ERCC5: variants seen among roughly 807,000 people sequenced by gnomAD.
ERCC5 encodes ERCC excision repair 5, endonuclease.
ERCC5 carries 68 observed loss-of-function variants against 105.6 expected under a neutral mutation model. The observed-to-expected ratio is 0.64, with a 90% confidence interval of 0.53 to 0.79. The LOEUF is 0.79. Among genes scored for constraint, ERCC5 ranks in the 30% least tolerant of loss-of-function variants. The pLI, the probability that ERCC5 is intolerant of heterozygous loss-of-function variation, is 0.00. For synonymous variants in ERCC5, 546 were observed against 526.2 expected (o/e 1.04, Z -0.51); for missense variants, 1,373 against 1,426.7 (o/e 0.96, Z 0.61).
intron 2 of ERCC5, among the ~76,000 whole-genome samples, chr13:102,853,141 C>T (rs1265831088): frequency 6.6e-6 from 1 of 152,108 alleles, no homozygotes; most frequent in Non-Finnish European, 1.5e-5. Flanking sequence ...AGTGTCTAGT[C>T]TTGAATGTTG....
chr13:102,858,768 G>A (rs1374361425), intron 6 of ERCC5: 5 of 411,874 alleles, frequency 1.2e-5, no homozygotes, highest in South Asian at 5.6e-5. Flanking sequence ...CACATGGTAT[G>A]TGTCCAGTAG....
chr13:102,854,395 GA>G (rs1198073927), intron 4 of ERCC5, 21 bp downstream of exon 4: 2 of 1,609,646 alleles, frequency 1.2e-6, no homozygotes, highest in East Asian at 4.5e-5. Flanking sequence ...AACTATTTAA[GA>G]ATATTATTTT....
At chr13:102,849,779 T>A (rs556621981) in intron 1 of ERCC5, among the ~76,000 whole-genome samples, 1 of 152,170 alleles carries the variant, frequency 6.6e-6, no homozygotes, top group African/African-American at 2.4e-5. Flanking sequence ...GGGCCAATAC[T>A]GTGTTTTGTT....
chr13:102,855,984 G>T, intron 4 of ERCC5, 68 bp from the exon 5 acceptor site: 2 of 1,483,418 alleles, frequency 1.3e-6, no homozygotes, highest in South Asian at 2.3e-5. Flanking sequence ...GCAGAGCCTT[G>T]CATACAAGTA....
intron 6 of ERCC5, among the ~76,000 whole-genome samples, chr13:102,859,842 C>T (rs765444053): frequency 2.0e-5 from 3 of 152,178 alleles, no homozygotes; most frequent in Non-Finnish European, 2.9e-5. Flanking sequence ...ACCATAGTTC[C>T]ACTTTACTCA....
intron 12 of ERCC5, among the ~76,000 whole-genome samples, chr13:102,870,047 G>A (rs1882981731): frequency 6.6e-6 from 1 of 152,196 alleles, no homozygotes; most frequent in African/African-American, 2.4e-5. Flanking sequence ...AGAGTAAAGA[G>A]CAGGAAGGAT....
intron 8 of ERCC5, 68 bp downstream of exon 8, chr13:102,863,171 G>A (rs111912287): frequency 1.5e-5 from 23 of 1,535,572 alleles, no homozygotes; most frequent in East Asian, 1.4e-4. Flanking sequence ...TTCAGAGATC[G>A]GTTAGTGTAG....
intron 7 of ERCC5, 109 bp downstream of exon 7, chr13:102,861,823 T>C (rs1236724839): frequency 1.4e-6 from 2 of 1,404,982 alleles, no homozygotes; most frequent in East Asian, 2.4e-5. Context: ...ATTCTATTTA[T>C]GTAATAACTG....
In ERCC5 at chr13:102,865,749, A is replaced by C. The variant is rs544098431; in HGVS notation, c.2037A>C (p.Glu679Asp). Residue 679 changes from glutamate to aspartate, a missense_variant, in exon 9 of 15, where the codon GAA becomes GAC. By Grantham distance (45) the Glu-to-Asp change is conservative. Around this residue, in one of 3 missense-constraint regions of ERCC5, gnomAD observed 1,004 missense variants for 1,059.7 expected, o/e 0.95. Transcript: ENST00000652225. The surrounding 1 kb of genome is among the most constrained non-coding windows in gnomAD (Gnocchi z 4.0). ...EFPETSKPPS[E>D]QGEEELVGTR... is the part of the protein sequence containing the mutation. Reference sequence around the variant, plus strand: ...CTGAAACTTCCAAACCTCCCTCAGAACAAGGCGAAGAGGAACTGGTAGGAA... The same window carrying C: ...CTGAAACTTCCAAACCTCCCTCAGACCAAGGCGAAGAGGAACTGGTAGGAA... The C allele has an allele frequency of 6.2e-7, 1 of 1,614,042 alleles. No individual in the cohort carries two copies. The highest frequency in any genetic ancestry group is 1.1e-5 in the South Asian group (1 of 91,058).
At position 102,868,024 on chromosome 13, in the gene ERCC5, T is replaced by C. The variant is rs992950079; in HGVS notation, c.2534-89T>C. Reference sequence around the variant, plus strand: ...TGGTGGTTGGATATAGATATAGATATACACACGTACATGATTTATATAATA... The same window carrying C: ...TGGTGGTTGGATATAGATATAGATACACACACGTACATGATTTATATAATA... On this transcript the variant is annotated intron_variant, in intron 11 of 14. Transcript: ENST00000652225. The C allele has an allele frequency of 1.7e-5, 21 of 1,270,250 alleles. No homozygotes were observed. In the Admixed American group the frequency reaches 1.8e-4, roughly 11 times the overall value. The allele number at this position is 1,270,250 out of a possible 1,614,324, so 78.7% of individuals were successfully genotyped here. A position where few individuals can be genotyped will look rare whatever the true frequency, so the allele number is the denominator to read the frequency against.
chr13:102,866,582 G>A, intron 10 of ERCC5, 50 bp from the exon 11 acceptor site: 1 of 1,609,434 alleles, frequency 6.2e-7, no homozygotes, highest in Non-Finnish European at 8.5e-7. Context: ...TGTGCTCAGG[G>A]CCTGGCGGTG....
intron 6 of ERCC5, chr13:102,859,025 C>T (rs1724110117): frequency 6.9e-6 from 3 of 431,702 alleles, no homozygotes; most frequent in Non-Finnish European, 1.4e-5. Flanking sequence ...TGTAGCTTGG[C>T]AGGCCCAGAA....
chr13:102,856,010 C>G (rs1419941631), intron 4 of ERCC5, 42 bp from the exon 5 acceptor site: 1 of 1,604,400 alleles, frequency 6.2e-7, no homozygotes, highest in South Asian at 1.1e-5. Flanking sequence ...GTAAGGGGTC[C>G]TTAAAAATCA....
intron 1 of ERCC5, among the ~76,000 whole-genome samples, chr13:102,847,712 C>T (rs1240719063): frequency 6.6e-6 from 1 of 152,088 alleles, no homozygotes; most frequent in Non-Finnish European, 1.5e-5. Context: ...AGAGCACATG[C>T]GCTGTTGCTG....
At chr13:102,866,027 G>A in intron 9 of ERCC5, 116 bp downstream of exon 9, 1 of 1,586,880 alleles carries the variant, frequency 6.3e-7, no homozygotes, top group Non-Finnish European at 8.6e-7. Flanking sequence ...ACATCTTGTG[G>A]TTGCTGATGG....
Position 102,853,549 on chromosome 13 carries a change from A to G in ERCC5, c.265-208A>G, listed in dbSNP as rs922103532. Among the ~76,000 whole-genome samples the G allele has an allele frequency of 2.0e-5, 3 of 152,228 alleles. No homozygotes were observed. In the East Asian group the frequency reaches 5.8e-4, roughly 29 times the overall value. On this transcript the variant is annotated intron_variant, in intron 2 of 14. Coordinates refer to ENST00000652225, the MANE Select transcript of ERCC5 (RefSeq NM_000123.4). ...AAGTTTCCCAAATATATTGTGTAGT[A>G]GCCCATTAAGTAATAGATGGAAACT...
In ERCC5 at chr13:102,862,740, A is replaced by T; in HGVS notation, c.1591A>T (p.Asn531Tyr). Residue 531 changes from asparagine to tyrosine, a missense_variant, in exon 8 of 15, where the codon AAT becomes TAT. By Grantham distance (143) the Asn-to-Tyr change is moderately radical. Transcript: ENST00000652225. ...GACACCGGCATCTCCAACTTGTACA[A>T]ATTCTGTGTCAAAGAATGAAACACA... The part of the protein sequence containing the change: ...ELTPASPTCT[N>Y]SVSKNETHAE... 1 of 1,614,218 alleles carries T rather than the reference A, an allele frequency of 6.2e-7. No homozygotes were observed.
At chr13:102,868,290 T>A (rs1417540044) in intron 12 of ERCC5, 33 bp downstream of exon 12, 1 of 1,613,734 alleles carries the variant, frequency 6.2e-7, no homozygotes, top group Non-Finnish European at 8.5e-7. Flanking sequence ...TTTGGATAAT[T>A]GTGTAAATAC....
chr13:102,873,165 A>G (rs899623494), intron 13 of ERCC5, 94 bp from the exon 14 acceptor site: 2 of 1,460,328 alleles, frequency 1.4e-6, no homozygotes, highest in Non-Finnish European at 9.5e-7. Flanking sequence ...TAGGAGATAC[A>G]GGGAATGGAA....
Sources: allele counts gnomAD v4.1 joint callset (sites outside exome capture counted in the v4.1 genomes callset), GRCh38; gene constraint gnomAD v4.1.1; regional missense constraint gnomAD v4.1.1; non-coding constraint Gnocchi (gnomAD v3.1); transcripts MANE v1.5; gene names NCBI Gene and HGNC (gene_info 2026-07-23, HGNC 2026-07-21).